Variants in RMP64 observed in about 807,000 individuals in gnomAD.
RMP64 encodes ribonuclease MRP subunit p64.
At chr3:113,012,694 G>T in the RMP64 span, 7 of 1,101,654 alleles carry the variant, frequency 6.4e-6, no homozygotes, top group Non-Finnish European at 9.7e-6. Context: ...GCTGAAAGGA[G>T]ATGAGAAAGA....
the RMP64 span, among the ~76,000 whole-genome samples, chr3:113,015,428 A>G: frequency 6.6e-6 from 1 of 152,186 alleles, no homozygotes; most frequent in Non-Finnish European, 1.5e-5. Flanking sequence ...GAAGATTGCA[A>G]TTTTAAATAG....
the RMP64 span, chr3:113,015,087 T>C: frequency 6.6e-6 from 1 of 152,256 alleles, no homozygotes; most frequent in Non-Finnish European, 1.5e-5. Flanking sequence ...TCTGGCAAGA[T>C]ACTCTTGTTG....
At chr3:113,005,945 G>A in the RMP64 span, 1 of 1,613,722 alleles carries the variant, frequency 6.2e-7, no homozygotes, top group East Asian at 2.2e-5. Flanking sequence ...TTTGATACCT[G>A]AGCCACGAAG....
At chr3:113,019,465 C>A in the RMP64 span, 1 of 1,241,770 alleles carries the variant, frequency 8.1e-7, no homozygotes, top group East Asian at 2.4e-5. Flanking sequence ...CGGTACCACC[C>A]CCGCCCACAT....
the RMP64 span, among the ~76,000 whole-genome samples, chr3:113,016,674 A>G: frequency 6.6e-6 from 1 of 152,176 alleles, no homozygotes; most frequent in Non-Finnish European, 1.5e-5. Context: ...AGGGGTAGAA[A>G]ACTAACCAGA....
the RMP64 span, chr3:113,005,664 T>G: frequency 4.3e-6 from 7 of 1,613,772 alleles, no homozygotes; most frequent in African/African-American, 9.3e-5. Context: ...CCTCTAAGAT[T>G]TTCATGAATC....
At chr3:113,010,970 A>C in the RMP64 span, 2 of 1,325,644 alleles carry the variant, frequency 1.5e-6, no homozygotes, top group Non-Finnish European at 2.1e-6. Flanking sequence ...GCAATGCATG[A>C]CTATTACTTT....
At chr3:113,013,228 A>T in the RMP64 span, 2 of 1,600,510 alleles carry the variant, frequency 1.2e-6, no homozygotes, top group East Asian at 2.2e-5. Flanking sequence ...TATCCAAACA[A>T]TTCCAAATCA....
At chr3:113,018,683 G>A in the RMP64 span, among the ~76,000 whole-genome samples, 1 of 152,180 alleles carries the variant, frequency 6.6e-6, no homozygotes, top group Non-Finnish European at 1.5e-5. Flanking sequence ...GGGCCCCGGA[G>A]CTACGTATTT....
At chr3:113,017,520 A>G in the RMP64 span, 1 of 1,614,134 alleles carries the variant, frequency 6.2e-7, no homozygotes, top group South Asian at 1.1e-5. Flanking sequence ...CACATAACAC[A>G]TCTGTTTCTG....
At chr3:113,015,835 A>G in the RMP64 span, among the ~76,000 whole-genome samples, 1 of 151,014 alleles carries the variant, frequency 6.6e-6, no homozygotes, top group Non-Finnish European at 1.5e-5. Context: ...AAGTACAAAG[A>G]GGAGGCCCAA....
At chr3:113,016,806 A>C in the RMP64 span, among the ~76,000 whole-genome samples, 1 of 152,240 alleles carries the variant, frequency 6.6e-6, no homozygotes, top group African/African-American at 2.4e-5. Flanking sequence ...CCTGTCACAC[A>C]ATGGATAGCC....
chr3:113,010,965 G>C, the RMP64 span: 1 of 1,276,758 alleles, frequency 7.8e-7, no homozygotes, highest in Non-Finnish European at 1.1e-6. Context: ...TCTATGCAAT[G>C]CATGACTATT....
chr3:113,014,081 G>A, the RMP64 span: 1 of 1,153,692 alleles, frequency 8.7e-7, no homozygotes, highest in Non-Finnish European at 1.3e-6. Context: ...ATGCAGACAG[G>A]GTCACTGATT....
At chr3:113,014,127 G>C in the RMP64 span, 1 of 777,340 alleles carries the variant, frequency 1.3e-6, no homozygotes. Flanking sequence ...GATTTTCAAA[G>C]TATGGAAATA....
the RMP64 span, chr3:113,008,225 C>T: frequency 3.7e-6 from 6 of 1,614,116 alleles, no homozygotes; most frequent in African/African-American, 1.3e-5. Context: ...AAGTTTGTTA[C>T]CCAGAAAAAT....
chr3:113,005,936 T>C, the RMP64 span: 1 of 1,613,934 alleles, frequency 6.2e-7, no homozygotes, highest in Non-Finnish European at 8.5e-7. Context: ...CTTTGAAGTT[T>C]TGATACCTGA....
At chr3:113,010,064 A>G in the RMP64 span, among the ~76,000 whole-genome samples, 1 of 152,188 alleles carries the variant, frequency 6.6e-6, no homozygotes, top group East Asian at 1.9e-4. Context: ...TACAGACATT[A>G]ATCAATCATG....
the RMP64 span, chr3:113,003,939 G>A: frequency 6.6e-6 from 1 of 152,132 alleles, no homozygotes; most frequent in Admixed American, 6.5e-5. Context: ...CATGAATATA[G>A]ACAACTCTCA....
Sources: allele counts gnomAD v4.1 joint callset (sites outside exome capture counted in the v4.1 genomes callset), GRCh38; gene constraint gnomAD v4.1.1; transcripts MANE v1.5; gene names NCBI Gene and HGNC (gene_info 2026-07-23, HGNC 2026-07-21).